Variants in ZZEF1 observed in about 807,000 individuals in gnomAD.
ZZEF1 encodes the protein zinc finger ZZ-type and EF-hand domain-containing protein 1.
A neutral mutation model predicts 342.8 loss-of-function variants in ZZEF1; 157 were observed. The ratio of observed to expected loss-of-function variants is 0.46; its 90% CI spans 0.40 to 0.52. ZZEF1 has a LOEUF of 0.52. Among genes scored for constraint, ZZEF1 ranks in the 20% least tolerant of loss-of-function variants. ZZEF1 has a pLI of 0.00. For synonymous variants in ZZEF1, 1,505 were observed against 1,429.1 expected (o/e 1.05, Z -1.20); for missense variants, 3,480 against 3,725.6 (o/e 0.93, Z 1.72).
intron 6 of ZZEF1, among the ~76,000 whole-genome samples, chr17:4,106,013 G>A (rs1220183523): frequency 6.6e-6 from 1 of 151,964 alleles, no homozygotes; most frequent in Non-Finnish European, 1.5e-5. Flanking sequence ...GCAGTGGTGC[G>A]ATCTCGGCTC....
rs1204812865 is a variant in ZZEF1 at position 4,008,465 on chromosome 17, A to T, written c.8805+418T>A. On this transcript the variant is annotated intron_variant, in intron 54 of 54. Coordinates refer to ENST00000381638, the MANE Select transcript of ZZEF1 (RefSeq NM_015113.4). The surrounding 1 kb of genome is among the most constrained non-coding windows in gnomAD (Gnocchi z 4.2). ...ATATGGATATATGCATAATAGACAT[A>T]TCCAAAAGCTTTCTGAGCTCCTCAG... The T allele has an allele frequency of 1.1e-6, 1 of 945,316 alleles. No individual in the cohort carries two copies. The highest frequency in any genetic ancestry group is 1.3e-6 in the Non-Finnish European group (1 of 790,056). 58.6% of individuals were successfully genotyped at this position (945,316 alleles called of 1,614,324 possible).
rs2055806107 is a variant in ZZEF1 at position 4,006,618 on chromosome 17, GCT to G, written c.*270_*271del. The stretch of plus-strand genomic sequence containing the variant: ...CCTGCAGTGACAGCCTCTGGAGAAG[GCT>G]GGTCTCTGAACCTTCTTAAGGGCCC... On this transcript the variant is annotated 3_prime_UTR_variant, in exon 55 of 55. Transcript: ENST00000381638. 4.1e-6 allele frequency: 2 copies of G among 487,472 alleles called. No individual in the cohort carries two copies. Among genetic ancestry groups the G allele is most frequent in the Non-Finnish European group, 7.5e-6 (2 of 267,772 alleles). The allele number at this position is 487,472 out of a possible 1,614,324, so 30.2% of individuals were successfully genotyped here. A position where few individuals can be genotyped will look rare whatever the true frequency, so the allele number is the denominator to read the frequency against.
At chr17:4,087,374 T>G (rs1321023910) in intron 14 of ZZEF1, 60 bp downstream of exon 14, 2 of 1,381,886 alleles carry the variant, frequency 1.4e-6, no homozygotes, top group East Asian at 2.3e-5. Flanking sequence ...CCACTTAGAA[T>G]AGTAAAACTC....
At chr17:4,123,633 G>A (rs1241082338) in intron 2 of ZZEF1, among the ~76,000 whole-genome samples, 6 of 152,068 alleles carry the variant, frequency 3.9e-5, no homozygotes, top group Admixed American at 3.9e-4. Context: ...AATGAACAGT[G>A]AAGGCCAAGG....
At position 4,104,643 on chromosome 17, in the gene ZZEF1, G is replaced by A; in HGVS notation, c.1563C>T (p.Leu521=). ...LSMASVRQNL[L]LKYGKPLQLT... ...TTTTACCATATTTACCATATTTGAG[G>A]AGCAGGTTCTGTCTGACTGACGCCA... Residue 521 remains leucine (L), a synonymous_variant, in exon 8 of 55, where the codon CTC becomes CTT. Transcript: ENST00000381638. The A allele has an allele frequency of 6.2e-7, 1 of 1,613,682 alleles. No homozygotes were observed. The highest frequency in any genetic ancestry group is 1.1e-5 in the South Asian group (1 of 91,004).
chr17:4,118,670 C>T (rs2058436452), intron 2 of ZZEF1, among the ~76,000 whole-genome samples: 2 of 152,142 alleles, frequency 1.3e-5, no homozygotes, highest in Non-Finnish European at 2.9e-5. Context: ...GCACTGCCTC[C>T]AAAATCCAAG....
intron 1 of ZZEF1, among the ~76,000 whole-genome samples, chr17:4,139,659 C>T (rs530610713): frequency 1.3e-5 from 2 of 152,356 alleles, no homozygotes; most frequent in South Asian, 4.1e-4. Context: ...TCCTAACTTA[C>T]TAGTTCTTAC....
At position 4,123,932 on chromosome 17, in the gene ZZEF1, T is replaced by G; in HGVS notation, c.474A>C (p.Gln158His). The G allele has an allele frequency of 6.2e-7, 1 of 1,613,910 alleles. No individual in the cohort carries two copies. The highest frequency in any genetic ancestry group is 8.5e-7 in the Non-Finnish European group (1 of 1,179,952). Residue 158 changes from glutamine to histidine, a missense_variant, in exon 2 of 55, where the codon CAA becomes CAC. By Grantham distance (24) the Gln-to-His change is conservative. This residue lies in a region of ZZEF1 where 416 missense variants were observed against 374.2 expected (regional missense o/e 1.11). Transcript: ENST00000381638. ...LQGELSHIIR[Q>H]LQACSLVPGF... ...CTGGAACCAGAGAGCAGGCCTGTAGTTGTCTGATGATGTGGCTCAGCTCCC... is the reference window on the plus strand; with the variant it reads ...CTGGAACCAGAGAGCAGGCCTGTAGGTGTCTGATGATGTGGCTCAGCTCCC...
chr17:4,115,799 CTTGT>C (rs2145506665), intron 3 of ZZEF1, among the ~76,000 whole-genome samples: 1 of 152,234 alleles, frequency 6.6e-6, no homozygotes, highest in East Asian at 1.9e-4. Context: ...CACAATGTCA[CTTGT>C]TTTTGACTCT....
chr17:4,013,609 C>T lies in ZZEF1; in HGVS notation c.8419G>A (p.Glu2807Lys), dbSNP rs1567759649. The change falls in exon 52 of 55, where the codon GAG (glutamate) becomes AAG (lysine). Residue 2807 changes from glutamate (E) to lysine (K), a missense_variant. Physicochemically the swap from Glu to Lys is moderately conservative, Grantham distance 56. Around this residue, in one of 5 missense-constraint regions of ZZEF1, gnomAD observed 1,269 missense variants for 1,342.4 expected, o/e 0.95. Coordinates refer to ENST00000381638, the MANE Select transcript of ZZEF1 (RefSeq NM_015113.4). ...TCTGACAACATCTGCTTCAAAATCT[C>T]GAATCCTGGCCAACACCCCAAAACA... ...GHLGRFQTGF[E>K]ILKQMLSEER... 6.2e-7 allele frequency: 1 copy of T among 1,611,574 alleles called. No homozygotes were observed. Among genetic ancestry groups the T allele is most frequent in the Non-Finnish European group, 8.5e-7 (1 of 1,178,452 alleles).
At chr17:4,020,424 A>G (rs9897516) in intron 45 of ZZEF1, among the ~76,000 whole-genome samples, 18,435 of 152,212 alleles carry the variant, frequency 0.12, 1,203 homozygotes, top group African/African-American at 0.14. Flanking sequence ...AAATCTGTAA[A>G]CTTGAACTCC....
intron 9 of ZZEF1, among the ~76,000 whole-genome samples, chr17:4,099,287 C>T (rs1281299806): frequency 6.6e-6 from 1 of 152,122 alleles, no homozygotes; most frequent in Non-Finnish European, 1.5e-5. Flanking sequence ...TGCAGTGGTA[C>T]AATCATAACT....
At position 4,082,484 on chromosome 17, in the gene ZZEF1, G is replaced by A. The variant is rs1314069711; in HGVS notation, c.2667C>T (p.His889=). 1.2e-6 allele frequency: 2 copies of A among 1,614,092 alleles called. No homozygotes were observed. The highest frequency in any genetic ancestry group is 1.7e-6 in the Non-Finnish European group (2 of 1,179,992). The part of the protein sequence containing the change: ...FTMMNVTEQE[H]KQSLQLTFRS... Reference sequence around the variant, plus strand: ...GGAAAGTGAGCTGCAGGGACTGCTTGTGCTCCTGCTCGGTGACATTCTTCT... The same window carrying A: ...GGAAAGTGAGCTGCAGGGACTGCTTATGCTCCTGCTCGGTGACATTCTTCT... Residue 889 remains histidine, a synonymous_variant, in exon 17 of 55, where the codon CAC becomes CAT. Coordinates refer to ENST00000381638, the MANE Select transcript of ZZEF1 (RefSeq NM_015113.4).
chr17:4,074,595 T>A (rs719388), intron 23 of ZZEF1, among the ~76,000 whole-genome samples: 15,970 of 152,290 alleles, frequency 0.1, 926 homozygotes, highest in Non-Finnish European at 0.14. Context: ...GGTGACCATC[T>A]GTCCACTACC....
chr17:4,136,253 A>C (rs1197054764), intron 1 of ZZEF1, among the ~76,000 whole-genome samples: 1 of 149,922 alleles, frequency 6.7e-6, no homozygotes, highest in South Asian at 2.1e-4. Flanking sequence ...CTGAGGCAGG[A>C]GAATCGCTTA....
At chr17:4,082,829 G>T (rs974171496) in intron 16 of ZZEF1, among the ~76,000 whole-genome samples, 3 of 152,142 alleles carry the variant, frequency 2.0e-5, no homozygotes, top group African/African-American at 7.2e-5. Context: ...GGGCTGGAGT[G>T]CAATGGCGCG....
intron 39 of ZZEF1, among the ~76,000 whole-genome samples, chr17:4,034,550 G>A (rs1383780520): frequency 6.6e-6 from 1 of 152,062 alleles, no homozygotes; most frequent in Non-Finnish European, 1.5e-5. Context: ...CTTTCAAAAT[G>A]TCCATTGTAA....
chr17:4,105,148 T>A (rs1423895675), intron 7 of ZZEF1, among the ~76,000 whole-genome samples: 1 of 152,232 alleles, frequency 6.6e-6, no homozygotes, highest in Admixed American at 6.5e-5. Flanking sequence ...GCACTAAAAA[T>A]GTATCACACT....
intron 21 of ZZEF1, among the ~76,000 whole-genome samples, chr17:4,075,777 G>A (rs1457673544): frequency 6.6e-6 from 1 of 151,080 alleles, no homozygotes; most frequent in African/African-American, 2.4e-5. Context: ...CTGGGACACT[G>A]GCAAATCTGG....
Sources: allele counts gnomAD v4.1 joint callset (sites outside exome capture counted in the v4.1 genomes callset), GRCh38; gene constraint gnomAD v4.1.1; regional missense constraint gnomAD v4.1.1; non-coding constraint Gnocchi (gnomAD v3.1); transcripts MANE v1.5; gene names NCBI Gene and HGNC (gene_info 2026-07-23, HGNC 2026-07-21).